Variants in GRID2 observed in about 807,000 individuals in gnomAD.
The protein encoded by GRID2 is glutamate receptor ionotropic, delta-2.
In GRID2, 33 loss-of-function variants were observed where a neutral mutation model predicts 114.8. The observed-to-expected ratio is 0.29, with a 90% CI of 0.22 to 0.38. The LOEUF is 0.38. Among genes scored for constraint, GRID2 ranks in the 10% least tolerant of loss-of-function variants. The probability of loss-of-function intolerance (pLI) is 1.00; values close to 1 mark genes in which losing one functional copy is unlikely to be tolerated. For missense variants in GRID2, 1,184 were observed against 1,257.7 expected, an observed-to-expected ratio of 0.94 and a Z score of 0.89; for synonymous variants, 505 against 449.9, an observed-to-expected ratio of 1.12 and a Z score of -1.55.
At position 93,450,678 on chromosome 4, in the gene GRID2, C is replaced by T. The variant is rs1021381315; in HGVS notation, c.1546-4984C>T. On this transcript the variant is annotated intron_variant, in intron 10 of 15. Transcript: ENST00000282020. ...ACTTGAGAGAATGCAAATCTTGTATCTTCTCTCAAGGAAAATATTATGACT... is the reference window on the plus strand; with the variant it reads ...ACTTGAGAGAATGCAAATCTTGTATTTTCTCTCAAGGAAAATATTATGACT... Among the ~76,000 whole-genome samples, 7 of 151,682 alleles carry T rather than the reference C, an allele frequency of 4.6e-5. No individual in the cohort carries two copies. In the East Asian group the frequency reaches 1.4e-3, roughly 29 times the overall value.
At chr4:92,642,963 G>T in intron 2 of GRID2, among the ~76,000 whole-genome samples, 1 of 151,692 alleles carries the variant, frequency 6.6e-6, no homozygotes, top group Middle Eastern at 3.2e-3. Context: ...TGATCTGTTT[G>T]TTTTTGTACC....
chr4:93,120,531 T>C (rs1266346159), intron 4 of GRID2, among the ~76,000 whole-genome samples: 3 of 151,808 alleles, frequency 2.0e-5, no homozygotes, highest in Non-Finnish European at 4.4e-5. Flanking sequence ...CACTCATAAG[T>C]GGGAGTTGAA....
intron 2 of GRID2, among the ~76,000 whole-genome samples, chr4:92,707,026 T>C (rs1195821038): frequency 1.3e-5 from 2 of 152,128 alleles, no homozygotes; most frequent in African/African-American, 4.8e-5. Flanking sequence ...TTACACAGAA[T>C]TAAAAATCTA....
intron 2 of GRID2, among the ~76,000 whole-genome samples, chr4:92,997,760 T>C (rs1283018812): frequency 6.6e-6 from 1 of 152,176 alleles, no homozygotes; most frequent in African/African-American, 2.4e-5. Flanking sequence ...GAGTTTGAAG[T>C]CCTGCATTGA....
At chr4:93,394,778 TTC>T (rs993020932) in intron 8 of GRID2, among the ~76,000 whole-genome samples, 1 of 151,988 alleles carries the variant, frequency 6.6e-6, no homozygotes, top group Admixed American at 6.6e-5. Flanking sequence ...CATTACAACA[TTC>T]TCTCTCTCTG....
At chr4:92,752,779 G>C (rs1002040751) in intron 2 of GRID2, among the ~76,000 whole-genome samples, 2 of 152,074 alleles carry the variant, frequency 1.3e-5, no homozygotes, top group Non-Finnish European at 2.9e-5. Context: ...ATATGTAAAT[G>C]ACTTATTAAT....
intron 9 of GRID2, among the ~76,000 whole-genome samples, chr4:93,401,390 A>G (rs1480734376): frequency 6.6e-6 from 1 of 152,124 alleles, no homozygotes; most frequent in Non-Finnish European, 1.5e-5. Context: ...GCATCCTTCA[A>G]CTTCTATTTG....
At chr4:92,572,802 C>A (rs935528855) in intron 1 of GRID2, among the ~76,000 whole-genome samples, 3 of 151,944 alleles carry the variant, frequency 2.0e-5, no homozygotes, top group Non-Finnish European at 4.4e-5. Context: ...TTGTATCTGT[C>A]AGATTTTGGT....
chr4:92,554,624 A>T (rs2149176058), intron 1 of GRID2, among the ~76,000 whole-genome samples: 1 of 152,286 alleles, frequency 6.6e-6, no homozygotes, highest in Admixed American at 6.5e-5. Flanking sequence ...GTAGAAAAAA[A>T]TCTATCCATT....
intron 1 of GRID2, among the ~76,000 whole-genome samples, chr4:92,486,323 AG>A (rs1722885312): frequency 6.6e-6 from 1 of 151,790 alleles, no homozygotes; most frequent in Admixed American, 6.6e-5. Flanking sequence ...ATAGAAATAA[AG>A]GGGTACATCA....
At chr4:92,571,875 T>A (rs1727641119) in intron 1 of GRID2, among the ~76,000 whole-genome samples, 1 of 152,034 alleles carries the variant, frequency 6.6e-6, no homozygotes, top group Non-Finnish European at 1.5e-5. Flanking sequence ...CTGGGACACA[T>A]TCAAGGCAGT....
intron 2 of GRID2, among the ~76,000 whole-genome samples, chr4:93,018,834 C>T (rs1242829683): frequency 1.3e-5 from 2 of 152,038 alleles, no homozygotes; most frequent in Non-Finnish European, 2.9e-5. Flanking sequence ...CTCCTAGTAA[C>T]TTGTAGGAGC....
intron 2 of GRID2, among the ~76,000 whole-genome samples, chr4:92,922,877 G>A (rs2149509053): frequency 6.6e-6 from 1 of 152,282 alleles, no homozygotes; most frequent in African/African-American, 2.4e-5. Context: ...TTAGAATAGG[G>A]CTTACTTGGG....
chr4:92,953,854 G>A (rs551985521), intron 2 of GRID2, among the ~76,000 whole-genome samples: 2 of 151,260 alleles, frequency 1.3e-5, no homozygotes, highest in South Asian at 2.1e-4. Flanking sequence ...ACTGAAACAA[G>A]TTTATGTATT....
At chr4:93,108,889 A>G (rs999402351) in intron 3 of GRID2, among the ~76,000 whole-genome samples, 5 of 152,212 alleles carry the variant, frequency 3.3e-5, no homozygotes, top group African/African-American at 7.2e-5. Context: ...TCGGTCTCCC[A>G]AAGTCCTGGG....
chr4:93,454,691 T>C (rs1351737350), intron 10 of GRID2, among the ~76,000 whole-genome samples: 1 of 152,106 alleles, frequency 6.6e-6, no homozygotes, highest in East Asian at 1.9e-4. Context: ...TTCATATCTT[T>C]CTTTGTTTTT....
At chr4:93,057,106 G>A (rs1293230258) in intron 2 of GRID2, among the ~76,000 whole-genome samples, 1 of 151,454 alleles carries the variant, frequency 6.6e-6, no homozygotes, top group East Asian at 1.9e-4. Flanking sequence ...AGAAACTTGC[G>A]AAGAGACCAA....
At chr4:93,782,461 A>G (rs1015504786) in intron 1 of GRID2, among the ~76,000 whole-genome samples, 2 of 152,160 alleles carry the variant, frequency 1.3e-5, no homozygotes, top group African/African-American at 4.8e-5. Flanking sequence ...GTCTGCTTCA[A>G]CGTGAGAGTT....
At chr4:92,675,551 A>T (rs1014574416) in intron 2 of GRID2, among the ~76,000 whole-genome samples, 10 of 133,024 alleles carry the variant, frequency 7.5e-5, no homozygotes, top group South Asian at 2.6e-4. Flanking sequence ...TTGGGCTACA[A>T]TTTTTTTTTT....
Sources: allele counts gnomAD v4.1 joint callset (sites outside exome capture counted in the v4.1 genomes callset), GRCh38; gene constraint gnomAD v4.1.1; transcripts MANE v1.5; gene names NCBI Gene and HGNC (gene_info 2026-07-23, HGNC 2026-07-21).